Variants in FH observed in about 807,000 individuals in gnomAD.
FH encodes the protein fumarate hydratase, also known as fumarate hydratase, mitochondrial.
FH carries 22 observed loss-of-function variants against 49.4 expected under a neutral mutation model. That is an observed-to-expected ratio of 0.45 (90% CI 0.32 to 0.64). FH has a LOEUF of 0.64. FH is among the 30% of genes least tolerant of loss of function. The pLI, the probability that FH is intolerant of heterozygous loss-of-function variation, is 0.05. For missense variants in FH, 526 were observed against 641.5 expected, an observed-to-expected ratio of 0.82 and a Z score of 1.95; for synonymous variants, 208 against 223.0, an observed-to-expected ratio of 0.93 and a Z score of 0.60.
At chr1:241,508,039 C>T (rs376566817) in intron 5 of FH, among the ~76,000 whole-genome samples, 1 of 152,114 alleles carries the variant, frequency 6.6e-6, no homozygotes. Flanking sequence ...CCTTCACATG[C>T]GGCCAGATCC....
Position 241,519,607 on chromosome 1 carries a change from G to A in FH, c.116C>T (p.Pro39Leu), listed in dbSNP as rs1415259326. 4 of 1,547,578 alleles carry A rather than the reference G, an allele frequency of 2.6e-6. No individual in the cohort carries two copies. In the African/African-American group the frequency reaches 5.5e-5, roughly 21 times the overall value. Residue 39 changes from proline to leucine, a missense_variant, in exon 1 of 10, where the codon CCG becomes CTG. Pro to Leu is a moderately conservative substitution (Grantham distance 98). This residue lies in a region of FH where 143 missense variants were observed against 127.5 expected (regional missense o/e 1.12). Transcript: ENST00000366560. ...TGCGCTCACCATTCGAGCCGCGTTC[G>A]GAGGCCAAAACGAGGGCACGGCCGC... ...GGAAVPSFWP[P>L]NAARMASQNS...
intron 8 of FH, 79 bp from the exon 9 acceptor site, chr1:241,500,669 A>G (rs1022539684): frequency 1.3e-6 from 2 of 1,572,132 alleles, no homozygotes; most frequent in Non-Finnish European, 1.7e-6. Context: ...TTTTTTGTCC[A>G]ATAACATATT....
chr1:241,515,233 C>T (rs1175355807), intron 2 of FH, among the ~76,000 whole-genome samples: 1 of 152,052 alleles, frequency 6.6e-6, no homozygotes, highest in Non-Finnish European at 1.5e-5. Flanking sequence ...ATGACAAAAT[C>T]GAGACCCCAG....
Position 241,499,854 on chromosome 1 carries a change from A to G in FH, c.1390+583T>C, listed in dbSNP as rs146525010. ...TCTACTACCCAAATCTGTATGTTTG[A>G]TTCTACATAATGAAATATTTACAGT... On this transcript the variant is annotated intron_variant, in intron 9 of 9. Coordinates refer to ENST00000366560, the MANE Select transcript of FH (RefSeq NM_000143.4). Among the ~76,000 whole-genome samples the G allele has an allele frequency of 2.9e-3, 435 of 152,328 alleles. 1 individual carries two copies. The highest frequency in any genetic ancestry group is 8.5e-3 in the South Asian group (41 of 4,830).
intron 4 of FH, among the ~76,000 whole-genome samples, chr1:241,510,276 T>C (rs1210036756): frequency 2.0e-5 from 3 of 152,068 alleles, no homozygotes; most frequent in Admixed American, 1.3e-4. Context: ...GCAGAAACAA[T>C]ACAAGACAAT....
At chr1:241,511,804 G>C (rs1660090851) in intron 4 of FH, 163 bp downstream of exon 4, 1 of 668,442 alleles carries the variant, frequency 1.5e-6, no homozygotes, top group Non-Finnish European at 2.6e-6. Flanking sequence ...TATAAGGATT[G>C]AAACATAAAA....
chr1:241,511,351 T>C (rs565933028), intron 4 of FH, among the ~76,000 whole-genome samples: 16 of 152,338 alleles, frequency 1.1e-4, no homozygotes, highest in Middle Eastern at 3.4e-3. Flanking sequence ...TGTGACAAAT[T>C]AACTTCTTCT....
chr1:241,511,400 TG>T (rs1660079393), intron 4 of FH, among the ~76,000 whole-genome samples: 1 of 152,230 alleles, frequency 6.6e-6, no homozygotes, highest in Non-Finnish European at 1.5e-5. Context: ...ATTTTATTAC[TG>T]CAGCCCCAAA....
intron 6 of FH, among the ~76,000 whole-genome samples, chr1:241,504,771 T>G (rs964710910): frequency 3.3e-5 from 5 of 151,932 alleles, no homozygotes; most frequent in Non-Finnish European, 5.9e-5. Flanking sequence ...AAAGATGAAA[T>G]AACAAGTATG....
chr1:241,519,118 C>A, intron 1 of FH: 1 of 163,670 alleles, frequency 6.1e-6, no homozygotes, highest in Non-Finnish European at 1.3e-5. Context: ...GTTCAGAAAC[C>A]ACTAGATGCA....
At chr1:241,502,091 C>T (rs1284392384) in intron 8 of FH, among the ~76,000 whole-genome samples, 1 of 143,870 alleles carries the variant, frequency 7.0e-6, no homozygotes, top group Non-Finnish European at 1.5e-5. Context: ...GTGGAGGGGG[C>T]CATGCTGGGC....
chr1:241,514,692 G>C (rs758349041), intron 2 of FH, among the ~76,000 whole-genome samples: 9 of 152,104 alleles, frequency 5.9e-5, no homozygotes, highest in Non-Finnish European at 1.0e-4. Flanking sequence ...ACCTGGACCA[G>C]AGTAAGTATA....
intron 1 of FH, 148 bp downstream of exon 1, chr1:241,519,443 G>T (rs1660309494): frequency 8.0e-6 from 8 of 1,002,694 alleles, no homozygotes; most frequent in Non-Finnish European, 1.1e-5. Flanking sequence ...CGGGAGGCCC[G>T]CCACGCCGGC....
At chr1:241,508,546 C>T (rs1659986702) in intron 5 of FH, 57 bp downstream of exon 5, 1 of 1,457,290 alleles carries the variant, frequency 6.9e-7, no homozygotes, top group Admixed American at 1.7e-5. Context: ...TCAAGGATGA[C>T]ACATTGGCCA....
intron 4 of FH, 27 bp from the exon 5 acceptor site, chr1:241,508,812 T>C (rs755182037): frequency 1.2e-6 from 2 of 1,600,130 alleles, no homozygotes; most frequent in Non-Finnish European, 8.6e-7. Context: ...AAAAGAAATA[T>C]AAAATGTTAA....
intron 7 of FH, among the ~76,000 whole-genome samples, 179 bp from the exon 8 acceptor site, chr1:241,502,749 T>C (rs1659815317): frequency 6.6e-6 from 1 of 152,166 alleles, no homozygotes; most frequent in African/African-American, 2.4e-5. Context: ...ACAAAATGAA[T>C]CATTCAAAGG....
At chr1:241,512,477 A>G (rs910941885) in intron 3 of FH, among the ~76,000 whole-genome samples, 6 of 152,234 alleles carry the variant, frequency 3.9e-5, no homozygotes, top group African/African-American at 1.4e-4. Flanking sequence ...TTATTGCCAG[A>G]GTCAGCATGC....
Position 241,502,553 on chromosome 1 carries a change from G to T in FH, c.1126C>A (p.Gln376Lys). 1 of 1,614,106 alleles carries T rather than the reference G, an allele frequency of 6.2e-7. No homozygotes were observed. Among genetic ancestry groups the T allele is most frequent in the South Asian group, 1.1e-5 (1 of 91,086 alleles). ...GCAACCATGGTCATTGCTTCACACTGAGTAGGGTTCACCTTGCCTTCAAGA... is the reference window on the plus strand; with the variant it reads ...GCAACCATGGTCATTGCTTCACACTTAGTAGGGTTCACCTTGCCTTCAAGA... ...SIMPGKVNPT[Q>K]CEAMTMVAAQ... Residue 376 changes from glutamine to lysine, a missense_variant, in exon 8 of 10, where the codon CAG becomes AAG. Physicochemically the swap from Gln to Lys is moderately conservative, Grantham distance 53. This residue lies in a region of FH where 383 missense variants were observed against 514.0 expected (regional missense o/e 0.75). Coordinates refer to ENST00000366560, the MANE Select transcript of FH (RefSeq NM_000143.4).
chr1:241,502,027 C>A (rs1009850868), intron 8 of FH, among the ~76,000 whole-genome samples: 52 of 152,130 alleles, frequency 3.4e-4, no homozygotes, highest in Admixed American at 9.2e-4. Flanking sequence ...GAACTAACTG[C>A]GCAATGCCAG....
Sources: allele counts gnomAD v4.1 joint callset (sites outside exome capture counted in the v4.1 genomes callset), GRCh38; gene constraint gnomAD v4.1.1; regional missense constraint gnomAD v4.1.1; transcripts MANE v1.5; gene names NCBI Gene and HGNC (gene_info 2026-07-23, HGNC 2026-07-21).